The following NRXN1 variants were observed in gnomAD, a reference collection of about 807,000 sequenced individuals.
NRXN1 encodes the protein neurexin-1.
In NRXN1, 39 loss-of-function variants were observed where a neutral mutation model predicts 150.9. That is an observed-to-expected ratio of 0.26 (90% confidence interval 0.20 to 0.34). The LOEUF is 0.34. NRXN1 is among the 10% of genes least tolerant of loss of function. The pLI is 1.00. For synonymous variants in NRXN1, 924 were observed against 757.0 expected (o/e 1.22, Z -3.62); for missense variants, 1,815 against 1,949.9 (o/e 0.93, Z 1.30).
At chr2:50,715,931 GTTATCT>G (rs1695817018) in intron 5 of NRXN1, among the ~76,000 whole-genome samples, 1 of 152,006 alleles carries the variant, frequency 6.6e-6, no homozygotes, top group African/African-American at 2.4e-5. Context: ...CTTTTTCACA[GTTATCT>G]TTTCAAACAA....
intron 17 of NRXN1, among the ~76,000 whole-genome samples, chr2:50,311,939 T>C (rs1260308442): frequency 6.6e-6 from 1 of 152,070 alleles, no homozygotes; most frequent in Non-Finnish European, 1.5e-5. Context: ...TAAGTCAAAA[T>C]GGTTTAATCA....
chr2:49,925,844 G>A (rs926655579), intron 22 of NRXN1, among the ~76,000 whole-genome samples: 1 of 152,112 alleles, frequency 6.6e-6, no homozygotes, highest in Non-Finnish European at 1.5e-5. Context: ...GTTAAAAAAA[G>A]CAAGTAAAAG....
In NRXN1 at chr2:50,054,884, G is replaced by A. The variant is rs1226319934; in HGVS notation, c.3808+71C>T. The stretch of plus-strand genomic sequence containing the variant: ...AAATTTATTTTTTATGTTTATTAGT[G>A]TTACAATGAAGTACTACTTGGTTAT... On this transcript the variant is annotated intron_variant, in intron 20 of 22. Coordinates refer to ENST00000401669, the MANE Select transcript of NRXN1 (RefSeq NM_001330078.2). The A allele has an allele frequency of 4.1e-6, 4 of 968,292 alleles. No individual in the cohort carries two copies. The African/African-American group carries it at 5.2e-5, about 13-fold the overall frequency. 60.0% of individuals were successfully genotyped at this position (968,292 alleles called of 1,614,324 possible).
chr2:50,487,363 C>A (rs1260778374), intron 15 of NRXN1, among the ~76,000 whole-genome samples: 1 of 152,010 alleles, frequency 6.6e-6, no homozygotes, highest in Admixed American at 6.5e-5. Context: ...ATTGCAAAGG[C>A]CAAAAAGGGG....
chr2:50,140,331 T>A (rs1309527469), intron 18 of NRXN1, among the ~76,000 whole-genome samples: 1 of 152,180 alleles, frequency 6.6e-6, no homozygotes, highest in East Asian at 1.9e-4. Flanking sequence ...CCAAGAATTT[T>A]CATTTTTCAG....
At chr2:50,560,068 T>A (rs974041394) in intron 8 of NRXN1, among the ~76,000 whole-genome samples, 1 of 152,156 alleles carries the variant, frequency 6.6e-6, no homozygotes, top group Non-Finnish European at 1.5e-5. Context: ...AAAAGCAGAA[T>A]AAAGGCAAGG....
At chr2:50,612,964 T>C (rs984806377) in intron 8 of NRXN1, among the ~76,000 whole-genome samples, 4 of 152,180 alleles carry the variant, frequency 2.6e-5, no homozygotes, top group Admixed American at 2.0e-4. Flanking sequence ...ACTATTACAG[T>C]AGAAGGACTG....
At chr2:50,990,291 T>A (rs891416032) in intron 2 of NRXN1, among the ~76,000 whole-genome samples, 1 of 151,920 alleles carries the variant, frequency 6.6e-6, no homozygotes, top group Non-Finnish European at 1.5e-5. Context: ...TGAAGCCCAG[T>A]GCTAAAAAAA....
At chr2:50,750,217 C>A (rs1033606641) in intron 5 of NRXN1, among the ~76,000 whole-genome samples, 6 of 152,048 alleles carry the variant, frequency 3.9e-5, no homozygotes, top group Non-Finnish European at 8.8e-5. Context: ...CTACATCTCA[C>A]ATAATTTGTC....
At chr2:50,089,819 T>C (rs2152694974) in intron 19 of NRXN1, among the ~76,000 whole-genome samples, 1 of 151,790 alleles carries the variant, frequency 6.6e-6, no homozygotes, top group African/African-American at 2.4e-5. Context: ...TGATAAAGAA[T>C]AAAAATTGAA....
intron 18 of NRXN1, among the ~76,000 whole-genome samples, chr2:50,126,756 AC>A (rs1250146797): frequency 6.6e-6 from 1 of 151,708 alleles, no homozygotes; most frequent in African/African-American, 2.4e-5. Flanking sequence ...GCATAGAAAA[AC>A]CCCTAGATTA....
intron 5 of NRXN1, among the ~76,000 whole-genome samples, chr2:50,792,488 C>T (rs1054840048): frequency 3.9e-5 from 6 of 151,952 alleles, no homozygotes; most frequent in African/African-American, 1.5e-4. Context: ...CTCTTATGGT[C>T]TCATTCTTCA....
At chr2:50,094,080 TTAAAA>T (rs1699918829) in intron 18 of NRXN1, among the ~76,000 whole-genome samples, 2 of 152,196 alleles carry the variant, frequency 1.3e-5, no homozygotes. Context: ...CAATGTATGT[TTAAAA>T]TAATTTTGGA....
chr2:49,959,196 T>C (rs1192999563), intron 21 of NRXN1, among the ~76,000 whole-genome samples: 1 of 152,188 alleles, frequency 6.6e-6, no homozygotes, highest in African/African-American at 2.4e-5. Context: ...CCAAGATCTA[T>C]TCAAACAGAA....
intron 5 of NRXN1, among the ~76,000 whole-genome samples, chr2:50,789,073 C>A (rs1384194153): frequency 6.6e-6 from 1 of 152,116 alleles, no homozygotes; most frequent in African/African-American, 2.4e-5. Flanking sequence ...CAAACCAAAA[C>A]AAAGGCATAT....
At chr2:51,029,244 T>C (rs1012393262) in intron 1 of NRXN1, 50 bp from the exon 2 acceptor site, 3 of 152,236 alleles carry the variant, frequency 2.0e-5, no homozygotes, top group Admixed American at 6.5e-5. Context: ...TATAGTATTA[T>C]ATAAATCATT....
intron 15 of NRXN1, among the ~76,000 whole-genome samples, chr2:50,488,022 T>A (rs568969465): frequency 2.0e-5 from 3 of 152,160 alleles, no homozygotes; most frequent in African/African-American, 7.2e-5. Context: ...CACTTATGAG[T>A]TTCATCATCT....
chr2:50,043,056 G>A (rs1470668445), intron 21 of NRXN1, among the ~76,000 whole-genome samples: 1 of 152,134 alleles, frequency 6.6e-6, no homozygotes, highest in African/African-American at 2.4e-5. Flanking sequence ...TGCATTTTGA[G>A]TTTAGGCAAT....
At chr2:50,559,581 G>C (rs1382762514) in intron 8 of NRXN1, among the ~76,000 whole-genome samples, 1 of 151,868 alleles carries the variant, frequency 6.6e-6, no homozygotes, top group Non-Finnish European at 1.5e-5. Flanking sequence ...TATATAATAG[G>C]TAAACTATAT....
Sources: allele counts gnomAD v4.1 joint callset (sites outside exome capture counted in the v4.1 genomes callset), GRCh38; gene constraint gnomAD v4.1.1; transcripts MANE v1.5; gene names NCBI Gene and HGNC (gene_info 2026-07-23, HGNC 2026-07-21).